ERCC6L2: variants seen among roughly 807,000 people sequenced by gnomAD.
ERCC6L2 encodes DNA excision repair protein ERCC-6-like 2.
ERCC6L2 carries 77 observed loss-of-function variants against 132.0 expected under a neutral mutation model. That is an observed-to-expected ratio of 0.58 (90% confidence interval 0.49 to 0.71). The LOEUF is 0.71. Among genes scored for constraint, ERCC6L2 ranks in the 30% least tolerant of loss-of-function variants. ERCC6L2 has a pLI of 0.00. For missense variants in ERCC6L2, 1,542 were observed against 1,837.6 expected (o/e 0.84, Z 2.94); for synonymous variants, 583 against 632.4 (o/e 0.92, Z 1.17).
chr9:96,005,284 A>G (rs1379016435), intron 18 of ERCC6L2, among the ~76,000 whole-genome samples: 5 of 152,006 alleles, frequency 3.3e-5, no homozygotes, highest in East Asian at 3.9e-4. Context: ...CTGCACTCCA[A>G]CCTGGGCGAC....
At position 95,970,573 on chromosome 9, in the gene ERCC6L2, T is replaced by C. The variant is rs578204943; in HGVS notation, c.2101-3T>C. ...TTTGCATTCTTTCTTACTGACATTA[T>C]AGAGAGAAGGCCAAGTAGAAGCAGG... On this transcript the variant is annotated splice_region_variant and splice_polypyrimidine_tract_variant and intron_variant, in intron 14 of 18. Coordinates refer to ENST00000653738, the MANE Select transcript of ERCC6L2 (RefSeq NM_020207.7). The C allele has an allele frequency of 1.2e-4, 154 of 1,302,806 alleles. No individual in the cohort carries two copies. The highest frequency in any genetic ancestry group is 1.5e-4 in the Non-Finnish European group (148 of 988,070). 80.7% of individuals were successfully genotyped at this position (1,302,806 alleles called of 1,614,324 possible).
chr9:95,911,659 C>T (rs964602984), intron 4 of ERCC6L2, among the ~76,000 whole-genome samples: 20 of 152,168 alleles, frequency 1.3e-4, no homozygotes, highest in African/African-American at 4.8e-4. Flanking sequence ...GGATAGTGCT[C>T]TGTGCATTTA....
chr9:95,998,317 T>A (rs1833540859), intron 17 of ERCC6L2, among the ~76,000 whole-genome samples: 1 of 152,104 alleles, frequency 6.6e-6, no homozygotes, highest in East Asian at 1.9e-4. Flanking sequence ...AATGCCCCCC[T>A]CAAAGATGTC....
intron 2 of ERCC6L2, among the ~76,000 whole-genome samples, chr9:95,894,210 CAAT>C (rs3067560): frequency 0.27 from 41,002 of 151,804 alleles, 5,961 homozygotes; most frequent in East Asian, 0.4. Flanking sequence ...AAGTGAAAAA[CAAT>C]GATTGTATGG....
chr9:96,035,065 A>AC (rs891371270), intron 19 of ERCC6L2, among the ~76,000 whole-genome samples: 3 of 151,040 alleles, frequency 2.0e-5, no homozygotes, highest in African/African-American at 4.9e-5. Flanking sequence ...CCTCTACCAC[A>AC]CCCCCCATCC....
intron 12 of ERCC6L2, among the ~76,000 whole-genome samples, chr9:95,943,007 C>G (rs1283018602): frequency 6.6e-6 from 1 of 152,078 alleles, no homozygotes; most frequent in Admixed American, 6.6e-5. Context: ...TACATTTCAT[C>G]AGCATTATAG....
At chr9:96,039,455 G>T (rs1007645649) in intron 20 of ERCC6L2, among the ~76,000 whole-genome samples, 1 of 152,172 alleles carries the variant, frequency 6.6e-6, no homozygotes, top group Non-Finnish European at 1.5e-5. Context: ...TTTCTGGGTG[G>T]ATGTGGCTCA....
intron 13 of ERCC6L2, among the ~76,000 whole-genome samples, chr9:95,965,735 A>G (rs540004532): frequency 1.3e-5 from 2 of 152,058 alleles, no homozygotes. Context: ...TGACTCCTCA[A>G]ATCAAGTGTT....
intron 6 of ERCC6L2, among the ~76,000 whole-genome samples, chr9:95,919,231 T>C (rs571375459): frequency 6.6e-6 from 1 of 152,348 alleles, no homozygotes; most frequent in East Asian, 1.9e-4. Flanking sequence ...TAGCATTGTT[T>C]TATAGAGACA....
At chr9:96,011,888 A>G (rs1479187173) in intron 18 of ERCC6L2, among the ~76,000 whole-genome samples, 1 of 152,262 alleles carries the variant, frequency 6.6e-6, no homozygotes, top group African/African-American at 2.4e-5. Context: ...TACAGAGTCT[A>G]TAAATCATGA....
At chr9:95,998,476 C>T (rs551009478) in intron 17 of ERCC6L2, among the ~76,000 whole-genome samples, 16 of 152,334 alleles carry the variant, frequency 1.1e-4, no homozygotes, top group Non-Finnish European at 2.2e-4. Flanking sequence ...AATTAACCCA[C>T]TTTGCTCGTG....
In ERCC6L2 at chr9:95,972,765, G is replaced by A; in HGVS notation, c.3014G>A (p.Arg1005Lys). 1 of 1,303,602 alleles carries A rather than the reference G, an allele frequency of 7.7e-7. No homozygotes were observed. The highest frequency in any genetic ancestry group is 1.2e-5 in the South Asian group (1 of 80,902). The allele number at this position is 1,303,602 out of a possible 1,614,324, so 80.8% of individuals were successfully genotyped here. A position where few individuals can be genotyped will look rare whatever the true frequency, so the allele number is the denominator to read the frequency against. ...AGAGCTAGTTCATTGAGGTTTAAGAGAATAAAAGAAACCAAAAAAGAACTT... is the reference window on the plus strand; with the variant it reads ...AGAGCTAGTTCATTGAGGTTTAAGAAAATAAAAGAAACCAAAAAAGAACTT... ...RKRASSLRFK[R>K]IKETKKELHN... The change falls in exon 16 of 19, where the codon AGA becomes AAA. Residue 1005 changes from arginine to lysine, a missense_variant. Physicochemically the swap from Arg to Lys is conservative, Grantham distance 26. Transcript: ENST00000653738.
Position 95,907,196 on chromosome 9 carries a change from G to T in ERCC6L2, c.713G>T (p.Arg238Leu), listed in dbSNP as rs142906169. The T allele has an allele frequency of 2.7e-5, 44 of 1,613,344 alleles. No homozygotes were observed. Among genetic ancestry groups the T allele is most frequent in the Non-Finnish European group, 3.6e-5 (43 of 1,179,796 alleles). Reference sequence around the variant, plus strand: ...AACAGAAAAGATAATGAATTAATTCGTGTAAAGCAGAGGAAATGTGAAATT... The same window carrying T: ...AACAGAAAAGATAATGAATTAATTCTTGTAAAGCAGAGGAAATGTGAAATT... ...HGNRKDNELI[R>L]VKQRKCEIAL... is the part of the protein sequence containing the mutation. Residue 238 changes from arginine to leucine, a missense_variant, in exon 4 of 19, where the codon CGT becomes CTT. Arg to Leu is a moderately radical substitution (Grantham distance 102). Around this residue, in one of 4 missense-constraint regions of ERCC6L2, gnomAD observed 945 missense variants for 1,105.2 expected, o/e 0.86. Transcript: ENST00000653738.
Position 95,875,954 on chromosome 9 carries a change from T to C in ERCC6L2, c.-85T>C. 1.4e-6 allele frequency: 2 copies of C among 1,464,200 alleles called. No homozygotes were observed. Among genetic ancestry groups the C allele is most frequent in the South Asian group, 2.4e-5 (2 of 81,928 alleles). The allele number at this position is 1,464,200 out of a possible 1,614,324, so 90.7% of individuals were successfully genotyped here. A position where few individuals can be genotyped will look rare whatever the true frequency, so the allele number is the denominator to read the frequency against. ...CGGCCGGAAGTGGCGTTGGCCGCCA[T>C]TGGCCTGCCGGCCAGCCACCTTGCT... On this transcript the variant is annotated 5_prime_UTR_variant, in exon 1 of 19. Transcript: ENST00000653738.
chr9:96,032,711 G>A (rs1834475136), intron 19 of ERCC6L2, among the ~76,000 whole-genome samples: 1 of 152,234 alleles, frequency 6.6e-6, no homozygotes, highest in African/African-American at 2.4e-5. Flanking sequence ...CAGAGCTGGA[G>A]AGGGCTTATG....
At chr9:95,913,257 A>G (rs763557218) in intron 4 of ERCC6L2, among the ~76,000 whole-genome samples, 4 of 152,212 alleles carry the variant, frequency 2.6e-5, no homozygotes, top group Non-Finnish European at 5.9e-5. Context: ...TTTTCTACAC[A>G]TTAATTACCG....
At chr9:95,876,126 C>T in intron 1 of ERCC6L2, 42 bp downstream of exon 1, 1 of 1,528,744 alleles carries the variant, frequency 6.5e-7, no homozygotes, top group South Asian at 1.2e-5. Context: ...GGCCTGTGTA[C>T]TGCGTCGCGT....
intron 17 of ERCC6L2, among the ~76,000 whole-genome samples, chr9:96,001,325 G>A (rs990972977): frequency 3.5e-4 from 54 of 152,324 alleles, no homozygotes; most frequent in African/African-American, 1.3e-3. Flanking sequence ...CCCACATCCT[G>A]CTGATTGGTG....
At chr9:95,987,615 C>T (rs1415501401) in intron 17 of ERCC6L2, among the ~76,000 whole-genome samples, 1 of 152,186 alleles carries the variant, frequency 6.6e-6, no homozygotes, top group Non-Finnish European at 1.5e-5. Context: ...GGTACAGCCT[C>T]TCTCATGACT....
Sources: allele counts gnomAD v4.1 joint callset (sites outside exome capture counted in the v4.1 genomes callset), GRCh38; gene constraint gnomAD v4.1.1; regional missense constraint gnomAD v4.1.1; transcripts MANE v1.5; gene names NCBI Gene and HGNC (gene_info 2026-07-23, HGNC 2026-07-21).